Variants in STK3 observed in about 807,000 individuals in gnomAD.
The protein encoded by STK3 is serine/threonine-protein kinase 3.
In STK3, 41 loss-of-function variants were observed where a neutral mutation model predicts 58.0. That is an observed-to-expected ratio of 0.71 (90% CI 0.55 to 0.92). The LOEUF is 0.92. Among genes scored for constraint, STK3 ranks in the 40% least tolerant of loss-of-function variants. STK3 has a pLI of 0.00. For synonymous variants in STK3, 170 were observed against 191.0 expected (o/e 0.89, Z 0.91); for missense variants, 479 against 602.7 (o/e 0.79, Z 2.15).
intron 3 of STK3, among the ~76,000 whole-genome samples, chr8:98,420,783 G>A (rs570266484): frequency 1.2e-4 from 19 of 152,348 alleles, no homozygotes; most frequent in South Asian, 1.2e-3. Flanking sequence ...CAGGGCCGAC[G>A]CATCACAAGC....
At chr8:98,491,170 A>T (rs978450743) in intron 10 of STK3, among the ~76,000 whole-genome samples, 1 of 120,294 alleles carries the variant, frequency 8.3e-6, no homozygotes, top group Non-Finnish European at 1.9e-5. Flanking sequence ...CACGAGAGAG[A>T]GAGAGAGAGA....
At chr8:98,352,963 T>C in the STK3 span, among the ~76,000 whole-genome samples, 4 of 152,210 alleles carry the variant, frequency 2.6e-5, no homozygotes, top group Admixed American at 6.5e-5. Flanking sequence ...TAAGTATTTA[T>C]GCATGAATAA....
intron 7 of STK3, among the ~76,000 whole-genome samples, chr8:98,588,531 A>AT (rs1814900737): frequency 6.6e-6 from 1 of 151,158 alleles, no homozygotes; most frequent in Admixed American, 6.6e-5. Context: ...TGCCCTTAAC[A>AT]TTTTTTCCTT....
chr8:98,433,745 C>A (rs1370239573), intron 3 of STK3, among the ~76,000 whole-genome samples: 1 of 152,250 alleles, frequency 6.6e-6, no homozygotes, highest in African/African-American at 2.4e-5. Context: ...TGCTTACAAA[C>A]AACCTTCTAT....
chr8:98,630,663 G>T (rs147845828), intron 6 of STK3, among the ~76,000 whole-genome samples: 1,870 of 149,908 alleles, frequency 0.012, 36 homozygotes, highest in African/African-American at 0.044. Context: ...AGAAGGAGAA[G>T]GAGAAGGAGG....
intron 10 of STK3, among the ~76,000 whole-genome samples, chr8:98,516,235 AG>A (rs1192358491): frequency 1.3e-5 from 2 of 152,254 alleles, no homozygotes; most frequent in East Asian, 3.9e-4. Flanking sequence ...AGGAAAAAAA[AG>A]TATAAATGAC....
At chr8:98,425,819 A>G (rs756080667) in intron 3 of STK3, among the ~76,000 whole-genome samples, 2 of 152,212 alleles carry the variant, frequency 1.3e-5, no homozygotes, top group Non-Finnish European at 2.9e-5. Flanking sequence ...CCACTGTGGC[A>G]GTGGTGGTTG....
chr8:98,632,689 G>A (rs544959121), intron 6 of STK3, among the ~76,000 whole-genome samples: 1 of 152,202 alleles, frequency 6.6e-6, no homozygotes, highest in South Asian at 2.1e-4. Context: ...AAAAAAATAT[G>A]CATTATGAGT....
the STK3 span, among the ~76,000 whole-genome samples, chr8:98,347,138 A>G: frequency 6.6e-6 from 1 of 151,852 alleles, no homozygotes; most frequent in Non-Finnish European, 1.5e-5. Context: ...TATATTATAA[A>G]CCCTATAGCA....
At chr8:98,778,504 G>T (rs1268976905) in intron 1 of STK3, among the ~76,000 whole-genome samples, 15 of 151,824 alleles carry the variant, frequency 9.9e-5, no homozygotes, top group Non-Finnish European at 2.2e-4. Flanking sequence ...TAGAAATACC[G>T]TTTGACCCAG....
chr8:98,739,048 C>T (rs370520994), intron 4 of STK3, among the ~76,000 whole-genome samples: 6 of 152,344 alleles, frequency 3.9e-5, no homozygotes, highest in South Asian at 2.1e-4. Context: ...GAGGGGCGCC[C>T]GCCATTGCCC....
Position 98,633,681 on chromosome 8 carries a change from A to G in STK3, c.685-37512T>C, listed in dbSNP as rs182026723. 1.7e-4 allele frequency: 120 copies of G among 696,142 alleles called. 1 individual carries two copies. The East Asian group carries it at 3.1e-3, about 18-fold the overall frequency. 43.1% of individuals were successfully genotyped at this position (696,142 alleles called of 1,614,324 possible). Reference sequence around the variant, plus strand: ...TCCTGTACAGAAACTCTTTATGTACAAGGTTAGAGAATACAAATCTAAGTG... The same window carrying G: ...TCCTGTACAGAAACTCTTTATGTACGAGGTTAGAGAATACAAATCTAAGTG... On this transcript the variant is annotated intron_variant, in intron 6 of 10. Coordinates refer to ENST00000419617, the MANE Select transcript of STK3 (RefSeq NM_006281.4).
At chr8:98,385,968 T>C (rs1817787854) in intron 1 of STK3, among the ~76,000 whole-genome samples, 1 of 152,096 alleles carries the variant, frequency 6.6e-6, no homozygotes, top group Admixed American at 6.5e-5. Context: ...AGAGATGTGT[T>C]AGGGGATTAA....
intron 1 of STK3, among the ~76,000 whole-genome samples, chr8:98,936,303 C>A (rs1222844324): frequency 6.6e-6 from 1 of 152,134 alleles, no homozygotes; most frequent in Non-Finnish European, 1.5e-5. Context: ...ACTTGCCCAA[C>A]ATAATAGAGC....
chr8:98,589,627 C>G (rs1815069648), intron 7 of STK3, among the ~76,000 whole-genome samples: 1 of 152,250 alleles, frequency 6.6e-6, no homozygotes, highest in Admixed American at 6.5e-5. Context: ...GGGCTCCACC[C>G]AGTTCGAGCT....
At chr8:98,852,061 G>T (rs1564061453) in intron 3 of STK3, among the ~76,000 whole-genome samples, 1 of 151,536 alleles carries the variant, frequency 6.6e-6, no homozygotes, top group Non-Finnish European at 1.5e-5. Context: ...ACAAGAGAAT[G>T]ATGTATAGCA....
chr8:98,349,773 C>T, the STK3 span, among the ~76,000 whole-genome samples: 26 of 152,198 alleles, frequency 1.7e-4, no homozygotes, highest in Admixed American at 1.5e-3. Flanking sequence ...CTGAGTTGTA[C>T]ATTGGCCCTT....
chr8:98,930,095 T>TAG (rs3087159), intron 1 of STK3, among the ~76,000 whole-genome samples: 23,533 of 152,170 alleles, frequency 0.15, 2,050 homozygotes, highest in African/African-American at 0.23. Flanking sequence ...AATAAATCTC[T>TAG]AGTCCCATCC....
Position 98,428,159 on chromosome 8 carries a change from T to C in STK3, n.483+5968A>G, listed in dbSNP as rs776545375. 6 of 1,613,968 alleles carry C rather than the reference T, an allele frequency of 3.7e-6. No individual in the cohort carries two copies. The African/African-American group carries it at 8.0e-5, about 22-fold the overall frequency. The stretch of plus-strand genomic sequence containing the variant: ...GCGAGGCCATTCTGGAGCTCTGCGA[T>C]GACTACGACGACGTCCAGCGGGAGT... On this transcript the variant is annotated intron_variant and non_coding_transcript_variant, in intron 3 of 3. Transcript: ENST00000517832. This position sits in a 1 kb window ranked among gnomAD's most constrained non-coding sequence, Gnocchi z 6.7.
Sources: gnomAD v4.1 joint callset for allele counts (sites outside exome capture counted in the v4.1 genomes callset) on GRCh38, gnomAD v4.1.1 for gene constraint, Gnocchi (gnomAD v3.1) non-coding constraint, MANE v1.5 for transcripts, NCBI Gene and HGNC (gene_info 2026-07-23, HGNC 2026-07-21) for gene names.